The following PTER variants were observed in gnomAD, a reference collection of about 807,000 sequenced individuals.
PTER encodes the protein N-acetyltaurine hydrolase.
In PTER, 38 loss-of-function variants were observed where a neutral mutation model predicts 29.6. That is an observed-to-expected ratio of 1.28 (90% CI 0.99 to 1.68). The LOEUF (loss-of-function observed/expected upper bound fraction) is 1.68, where lower values mean the gene tolerates loss of function less well. Ranked by LOEUF, PTER falls within the 40% of genes most tolerant of loss-of-function variation. PTER has a pLI of 0.00. For missense variants in PTER, 482 were observed against 427.8 expected (o/e 1.13, Z -1.12); for synonymous variants, 172 against 154.5 (o/e 1.11, Z -0.84).
intron 1 of PTER, among the ~76,000 whole-genome samples, chr10:16,474,803 C>T (rs1221370609): frequency 1.3e-5 from 2 of 152,130 alleles, no homozygotes; most frequent in East Asian, 3.8e-4. Context: ...AGGAGAATCG[C>T]TTGAACCCAG....
chr10:16,503,554 A>G (rs1458461253), intron 3 of PTER, among the ~76,000 whole-genome samples: 1 of 151,784 alleles, frequency 6.6e-6, no homozygotes, highest in Non-Finnish European at 1.5e-5. Context: ...ACAGGCACCC[A>G]CCACTATGCC....
chr10:16,507,480 C>G (rs1025702089), intron 4 of PTER, among the ~76,000 whole-genome samples: 1 of 152,048 alleles, frequency 6.6e-6, no homozygotes, highest in African/African-American at 2.4e-5. Context: ...CCATGAGATT[C>G]AAGTATTGCT....
At chr10:16,485,457 T>A (rs968924955) in intron 2 of PTER, among the ~76,000 whole-genome samples, 1 of 152,208 alleles carries the variant, frequency 6.6e-6, no homozygotes, top group African/African-American at 2.4e-5. Flanking sequence ...CACACATGTA[T>A]CTATTTATAC....
Position 16,454,202 on chromosome 10 carries a change from C to T in PTER, c.-49+17155C>T, listed in dbSNP as rs144372539. 1.4e-4 allele frequency among the ~76,000 whole-genome samples: 21 copies of T among 152,250 alleles called. No homozygotes were observed. The East Asian group carries it at 3.7e-3, about 27-fold the overall frequency. Reference sequence around the variant, plus strand: ...TGGTCAACCAACTCCACTTCTAATCCATTTTTGAAATACAGTAAGTTAACA... The same window carrying T: ...TGGTCAACCAACTCCACTTCTAATCTATTTTTGAAATACAGTAAGTTAACA... On this transcript the variant is annotated intron_variant, in intron 1 of 4. Coordinates refer to ENST00000535784, the MANE Select transcript of PTER (RefSeq NM_001261836.2).
At chr10:16,473,537 A>AAAACAAACAAACAAAC (rs1554789516) in intron 1 of PTER, among the ~76,000 whole-genome samples, 83 of 150,766 alleles carry the variant, frequency 5.5e-4, no homozygotes, top group African/African-American at 1.9e-3. Flanking sequence ...AAAAAAAAAA[A>AAAACAAACAAACAAAC]AAAAAAAAAA....
At chr10:16,468,604 C>G (rs6602123) in intron 1 of PTER, among the ~76,000 whole-genome samples, 92,635 of 151,986 alleles carry the variant, frequency 0.61, 29,089 homozygotes, top group East Asian at 0.81. Flanking sequence ...GTACCAGGCA[C>G]TGCAGGGAAC....
intron 4 of PTER, among the ~76,000 whole-genome samples, chr10:16,509,978 T>C (rs1836749301): frequency 6.6e-6 from 1 of 152,158 alleles, no homozygotes; most frequent in Admixed American, 6.5e-5. Flanking sequence ...TTATTAAATA[T>C]GACTCATGTA....
In PTER at chr10:16,505,116, C is replaced by T. The variant is rs756832384; in HGVS notation, c.795C>T (p.Leu265=). The change falls in exon 4 of 5, where the codon CTC becomes CTT. Residue 265 remains leucine (L), a synonymous_variant. Coordinates refer to ENST00000535784, the MANE Select transcript of PTER (RefSeq NM_001261836.2). ...LFGTELLHYQ[L]GPDIDMPDDN... ...GTACTGAACTACTTCATTACCAACTCGGCCCAGATATTGACATGCCTGATG... is the reference window on the plus strand; with the variant it reads ...GTACTGAACTACTTCATTACCAACTTGGCCCAGATATTGACATGCCTGATG... The T allele has an allele frequency of 9.3e-6, 15 of 1,613,964 alleles. No individual in the cohort carries two copies. In the Admixed American group the frequency reaches 1.2e-4, roughly 13 times the overall value.
At chr10:16,510,621 C>T (rs2133524624) in intron 4 of PTER, among the ~76,000 whole-genome samples, 1 of 152,068 alleles carries the variant, frequency 6.6e-6, no homozygotes. Context: ...TATTTTTTGG[C>T]CAGATAAAAG....
At chr10:16,447,101 CTTTTT>C (rs71374690) in intron 1 of PTER, among the ~76,000 whole-genome samples, 2 of 124,630 alleles carry the variant, frequency 1.6e-5, no homozygotes, top group Non-Finnish European at 1.6e-5. Flanking sequence ...TTTTTCTTTT[CTTTTT>C]TTTTTTTTTT....
chr10:16,494,590 A>T (rs1044832855), intron 3 of PTER, among the ~76,000 whole-genome samples: 1 of 152,200 alleles, frequency 6.6e-6, no homozygotes, highest in Non-Finnish European at 1.5e-5. Flanking sequence ...TGAAATACCT[A>T]CGTATTTGGT....
At chr10:16,507,271 G>A (rs1836611881) in intron 4 of PTER, among the ~76,000 whole-genome samples, 2 of 151,240 alleles carry the variant, frequency 1.3e-5, no homozygotes, top group Admixed American at 6.6e-5. Context: ...ATGTGTGTGT[G>A]TATATATATA....
chr10:16,499,493 G>T (rs1377626372), intron 3 of PTER, among the ~76,000 whole-genome samples: 1 of 151,836 alleles, frequency 6.6e-6, no homozygotes, highest in Non-Finnish European at 1.5e-5. Context: ...CTAGGCTGGA[G>T]TGCAGTGGCT....
chr10:16,505,137 T>C lies in PTER; in HGVS notation c.816T>C (p.Pro272=), dbSNP rs200551762. Residue 272 remains proline (P), a synonymous_variant, in exon 4 of 5, where the codon CCT becomes CCC. Transcript: ENST00000535784. ...AACTCGGCCCAGATATTGACATGCCTGATGATAACAAAAGAATTAGAAGGT... is the reference window on the plus strand; with the variant it reads ...AACTCGGCCCAGATATTGACATGCCCGATGATAACAAAAGAATTAGAAGGT... The part of the protein sequence containing the change: ...HYQLGPDIDM[P]DDNKRIRRVR... 76 of 1,613,972 alleles carry C rather than the reference T, an allele frequency of 4.7e-5. No individual in the cohort carries two copies. In the East Asian group the frequency reaches 1.6e-3, roughly 35 times the overall value.
intron 3 of PTER, among the ~76,000 whole-genome samples, chr10:16,500,983 G>A (rs1836314525): frequency 6.6e-6 from 1 of 152,072 alleles, no homozygotes; most frequent in Admixed American, 6.6e-5. Context: ...CCAAGCTGGA[G>A]TACAGTGGCA....
chr10:16,503,973 A>G (rs1241463896), intron 3 of PTER, among the ~76,000 whole-genome samples: 4 of 152,182 alleles, frequency 2.6e-5, no homozygotes, highest in Non-Finnish European at 5.9e-5. Context: ...ACGATCCCTT[A>G]CATTTCTCTA....
At chr10:16,506,385 G>GCAGAGA (rs1199877133) in intron 4 of PTER, among the ~76,000 whole-genome samples, 1 of 152,188 alleles carries the variant, frequency 6.6e-6, no homozygotes, top group East Asian at 1.9e-4. Context: ...AAGAGCAAAA[G>GCAGAGA]CAGAGACAGA....
intron 2 of PTER, among the ~76,000 whole-genome samples, chr10:16,485,460 A>G (rs1564401314): frequency 6.6e-6 from 1 of 152,170 alleles, no homozygotes; most frequent in Non-Finnish European, 1.5e-5. Context: ...ACATGTATCT[A>G]TTTATACATG....
intron 1 of PTER, among the ~76,000 whole-genome samples, chr10:16,466,005 A>G (rs1057032051): frequency 6.6e-6 from 1 of 152,108 alleles, no homozygotes; most frequent in Non-Finnish European, 1.5e-5. Context: ...CTCAATATGT[A>G]GGGATTATGG....
Sources: gnomAD v4.1 joint callset for allele counts (sites outside exome capture counted in the v4.1 genomes callset) on GRCh38, gnomAD v4.1.1 for gene constraint, MANE v1.5 for transcripts, NCBI Gene and HGNC (gene_info 2026-07-23, HGNC 2026-07-21) for gene names.